The following GALNT13 variants were observed in gnomAD, a reference collection of about 807,000 sequenced individuals.
The protein encoded by GALNT13 is polypeptide N-acetylgalactosaminyltransferase 13, also known as UDP-GalNAc:polypeptide N-acetylgalactosaminyltransferase 13.
GALNT13 carries 28 observed loss-of-function variants against 64.2 expected under a neutral mutation model. The ratio of observed to expected loss-of-function variants is 0.44; its 90% CI spans 0.32 to 0.60. GALNT13 has a LOEUF of 0.60. GALNT13 is among the 20% of genes least tolerant of loss of function. GALNT13 has a pLI of 0.05. For missense variants in GALNT13, 577 were observed against 669.8 expected (o/e 0.86, Z 1.53); for synonymous variants, 214 against 224.6 (o/e 0.95, Z 0.42).
the GALNT13 span, among the ~76,000 whole-genome samples, chr2:153,316,435 G>A: frequency 6.6e-6 from 1 of 151,700 alleles, no homozygotes; most frequent in East Asian, 1.9e-4. Context: ...GAGGTCAGGA[G>A]ATCGAGACCA....
chr2:153,128,454 A>G, the GALNT13 span, among the ~76,000 whole-genome samples: 8 of 152,064 alleles, frequency 5.3e-5, no homozygotes, highest in African/African-American at 1.2e-4. Flanking sequence ...CCATGATTCA[A>G]TTATTTCCCA....
chr2:153,774,321 C>T, the GALNT13 span, among the ~76,000 whole-genome samples: 1 of 151,776 alleles, frequency 6.6e-6, no homozygotes, highest in Admixed American at 6.6e-5. Flanking sequence ...TCTCTCTCTC[C>T]CTTTTCTCTT....
At chr2:153,113,912 T>A in the GALNT13 span, among the ~76,000 whole-genome samples, 1 of 152,132 alleles carries the variant, frequency 6.6e-6, no homozygotes, top group African/African-American at 2.4e-5. Flanking sequence ...TGCTTTTCAT[T>A]ACATCTTATT....
the GALNT13 span, among the ~76,000 whole-genome samples, chr2:153,210,845 T>C: frequency 6.6e-6 from 1 of 152,278 alleles, no homozygotes; most frequent in Admixed American, 6.5e-5. Flanking sequence ...TGGTATTATG[T>C]TGTACTTGGG....
the GALNT13 span, among the ~76,000 whole-genome samples, chr2:153,767,876 A>G: frequency 5.3e-5 from 8 of 152,008 alleles, no homozygotes; most frequent in African/African-American, 1.7e-4. Flanking sequence ...ATAGTTTGCA[A>G]ATATTTTCTC....
chr2:153,892,109 C>G lies in GALNT13; in HGVS notation c.-176-8827C>G, dbSNP rs1687592013. 2.6e-5 allele frequency among the ~76,000 whole-genome samples: 4 copies of G among 152,098 alleles called. No individual in the cohort carries two copies. In the South Asian group the frequency reaches 8.3e-4, roughly 32 times the overall value. ...CCTATTGCTGTTGCTAACTTTCAAC[C>G]TGTTATCATAGTGGTGCCCTCACAT... On this transcript the variant is annotated intron_variant, in intron 1 of 12. Coordinates refer to ENST00000392825, the MANE Select transcript of GALNT13 (RefSeq NM_052917.4).
At chr2:153,889,251 C>T (rs967779702) in intron 1 of GALNT13, among the ~76,000 whole-genome samples, 6 of 151,856 alleles carry the variant, frequency 4.0e-5, no homozygotes, top group African/African-American at 1.2e-4. Flanking sequence ...CCTTCATTAA[C>T]TCTAGAGTTT....
the GALNT13 span, among the ~76,000 whole-genome samples, chr2:153,859,111 T>C: frequency 2.6e-5 from 4 of 152,196 alleles, no homozygotes; most frequent in Non-Finnish European, 4.4e-5. Flanking sequence ...TTGGAACTTC[T>C]TCCCTGGGAA....
chr2:153,152,538 T>C, the GALNT13 span, among the ~76,000 whole-genome samples: 287 of 151,916 alleles, frequency 1.9e-3, 1 homozygote, highest in African/African-American at 6.8e-3. Flanking sequence ...CTAGTACCCA[T>C]TAGTATCCTG....
chr2:153,743,714 ATTAAG>A, the GALNT13 span, among the ~76,000 whole-genome samples: 3 of 152,140 alleles, frequency 2.0e-5, no homozygotes, highest in African/African-American at 7.2e-5. Context: ...AAAATGTACA[ATTAAG>A]TTATTATTGA....
At chr2:153,924,322 T>C (rs1428610612) in intron 2 of GALNT13, among the ~76,000 whole-genome samples, 2 of 151,970 alleles carry the variant, frequency 1.3e-5, no homozygotes, top group South Asian at 2.1e-4. Context: ...TTTGGTTTTC[T>C]GTTCTGCATT....
chr2:154,262,952 A>G (rs1690779085), intron 8 of GALNT13, among the ~76,000 whole-genome samples: 6 of 152,166 alleles, frequency 3.9e-5, no homozygotes, highest in Admixed American at 3.9e-4. Context: ...GTGTTTCAGG[A>G]TAAGTATCAA....
chr2:153,633,586 A>G, the GALNT13 span, among the ~76,000 whole-genome samples: 1 of 152,140 alleles, frequency 6.6e-6, no homozygotes. Context: ...ATTTTTCACC[A>G]TAGGAGACAT....
the GALNT13 span, among the ~76,000 whole-genome samples, chr2:153,137,751 C>A: frequency 2.0e-5 from 3 of 150,414 alleles, no homozygotes; most frequent in African/African-American, 7.3e-5. Flanking sequence ...GTTTCTATTA[C>A]TGTAACCTAC....
At chr2:153,784,852 AC>A in the GALNT13 span, among the ~76,000 whole-genome samples, 1 of 151,892 alleles carries the variant, frequency 6.6e-6, no homozygotes, top group Non-Finnish European at 1.5e-5. Flanking sequence ...CAGGTGGGCC[AC>A]CATCTTTGCT....
chr2:153,428,667 T>G, the GALNT13 span, among the ~76,000 whole-genome samples: 1 of 152,182 alleles, frequency 6.6e-6, no homozygotes, highest in African/African-American at 2.4e-5. Context: ...AATTGTTTCG[T>G]GTAAGAAACA....
intron 3 of GALNT13, among the ~76,000 whole-genome samples, chr2:153,966,522 C>G (rs554302845): frequency 6.6e-6 from 1 of 151,846 alleles, no homozygotes; most frequent in Non-Finnish European, 1.5e-5. Flanking sequence ...CCCGCCAAAA[C>G]GCCTGGCTAA....
At chr2:153,138,518 C>T in the GALNT13 span, among the ~76,000 whole-genome samples, 1 of 151,950 alleles carries the variant, frequency 6.6e-6, no homozygotes, top group Non-Finnish European at 1.5e-5. Flanking sequence ...TAAACAATAT[C>T]ATCGATGTTT....
chr2:153,439,777 G>A, the GALNT13 span, among the ~76,000 whole-genome samples: 1 of 152,076 alleles, frequency 6.6e-6, no homozygotes, highest in Non-Finnish European at 1.5e-5. Flanking sequence ...TGGGTGAGGC[G>A]ATGCCTTTCC....
Sources: allele counts gnomAD v4.1 joint callset (sites outside exome capture counted in the v4.1 genomes callset), GRCh38; gene constraint gnomAD v4.1.1; transcripts MANE v1.5; gene names NCBI Gene and HGNC (gene_info 2026-07-23, HGNC 2026-07-21).